Variants in SUSD5 observed in about 807,000 individuals in gnomAD.
The protein encoded by SUSD5 is sushi domain-containing protein 5.
Under a neutral mutation model 29.5 loss-of-function variants are expected in SUSD5, and 33 were observed. That is an observed-to-expected ratio of 1.12 (90% confidence interval 0.85 to 1.49). The LOEUF is 1.49. Ranked by LOEUF, SUSD5 falls within the 40% of genes most tolerant of loss-of-function variation. SUSD5 has a pLI of 0.00. For missense variants in SUSD5, 776 were observed against 800.6 expected (o/e 0.97, Z 0.37); for synonymous variants, 308 against 325.3 (o/e 0.95, Z 0.57).
chr3:33,216,636 G>A lies in SUSD5; in HGVS notation c.112+2050C>T, dbSNP rs73047491. Among the ~76,000 whole-genome samples the A allele has an allele frequency of 7.5e-3, 1,137 of 152,218 alleles. 8 individuals are homozygous for A. Among genetic ancestry groups the A allele is most frequent in the Middle Eastern group, 0.031 (9 of 294 alleles). On this transcript the variant is annotated intron_variant, in intron 1 of 4. Coordinates refer to ENST00000309558, the MANE Select transcript of SUSD5 (RefSeq NM_015551.2). ...AATTTTTCCTTAGGATTCTGCCCAC[G>A]CACATGATTTCAAAGACCATCCTTA...
intron 4 of SUSD5, among the ~76,000 whole-genome samples, chr3:33,170,170 T>C (rs55846427): frequency 0.74 from 112,642 of 151,980 alleles, 42,118 homozygotes; most frequent in South Asian, 0.92. Context: ...CCTCCCGCCT[T>C]GGCCTCCCAA....
intron 4 of SUSD5, among the ~76,000 whole-genome samples, chr3:33,161,186 T>C (rs1037199024): frequency 1.3e-5 from 2 of 151,906 alleles, no homozygotes; most frequent in South Asian, 2.1e-4. Context: ...CAACAACATA[T>C]ACACACACAC....
At chr3:33,194,082 G>A (rs571491759) in intron 3 of SUSD5, among the ~76,000 whole-genome samples, 1 of 152,242 alleles carries the variant, frequency 6.6e-6, no homozygotes, top group South Asian at 2.1e-4. Context: ...TATTCTGATG[G>A]ACCAGCTGGT....
Position 33,152,033 on chromosome 3 carries a change from A to G in SUSD5, c.*709T>C, listed in dbSNP as rs1415377820. ...TCCATATTCCTCTCCCAATAATTCAATATCCATGTCCTAGATAATACTGCT... is the reference window on the plus strand; with the variant it reads ...TCCATATTCCTCTCCCAATAATTCAGTATCCATGTCCTAGATAATACTGCT... On this transcript the variant is annotated 3_prime_UTR_variant, in exon 5 of 5. Transcript: ENST00000309558. 6.6e-6 allele frequency: 1 copy of G among 152,212 alleles called. No individual in the cohort carries two copies. The allele number at this position is 152,212 out of a possible 1,614,324, so 9.4% of individuals were successfully genotyped here.
chr3:33,175,822 G>A (rs1429731418), intron 3 of SUSD5, among the ~76,000 whole-genome samples: 2 of 152,052 alleles, frequency 1.3e-5, no homozygotes, highest in South Asian at 4.1e-4. Flanking sequence ...TGTGAAAACT[G>A]ATGAAACTCC....
intron 3 of SUSD5, among the ~76,000 whole-genome samples, chr3:33,178,817 G>T (rs2031608226): frequency 6.6e-6 from 1 of 152,188 alleles, no homozygotes; most frequent in South Asian, 2.1e-4. Flanking sequence ...GGCTTAGAAA[G>T]TATTCCTTCT....
chr3:33,185,674 C>A (rs1441517279), intron 3 of SUSD5, among the ~76,000 whole-genome samples: 2 of 152,180 alleles, frequency 1.3e-5, no homozygotes, highest in Non-Finnish European at 2.9e-5. Context: ...GGAGCAGTAA[C>A]TTCTAAACTC....
chr3:33,206,639 G>C (rs2032225670), intron 3 of SUSD5, among the ~76,000 whole-genome samples: 1 of 152,032 alleles, frequency 6.6e-6, no homozygotes, highest in Non-Finnish European at 1.5e-5. Flanking sequence ...GGCTCTTAGG[G>C]TTCACCATGA....
intron 3 of SUSD5, among the ~76,000 whole-genome samples, chr3:33,179,573 G>C (rs540289907): frequency 1.3e-5 from 2 of 152,292 alleles, no homozygotes; most frequent in Non-Finnish European, 2.9e-5. Context: ...AAACAAGGTA[G>C]GTCAAGTTAT....
chr3:33,162,314 A>G (rs937172230), intron 4 of SUSD5, among the ~76,000 whole-genome samples: 1 of 152,188 alleles, frequency 6.6e-6, no homozygotes, highest in African/African-American at 2.4e-5. Flanking sequence ...AGCTCGGGGG[A>G]AGTTATACCT....
rs1417055611 is a variant in SUSD5, at chr3:33,150,938, G to A, written c.*1804C>T. 2 of 152,164 alleles carry A rather than the reference G, an allele frequency of 1.3e-5. No individual in the cohort carries two copies. The highest frequency in any genetic ancestry group is 2.9e-5 in the Non-Finnish European group (2 of 68,036). 9.4% of individuals were successfully genotyped at this position (152,164 alleles called of 1,614,324 possible). A position where few individuals can be genotyped will look rare whatever the true frequency, so the allele number is the denominator to read the frequency against. On this transcript the variant is annotated 3_prime_UTR_variant, in exon 5 of 5. Transcript: ENST00000309558. Reference sequence around the variant, plus strand: ...TACCACTGATAACTATTTCTAAGAAGGTGATTCATATTAGAAAAATATAAC... The same window carrying A: ...TACCACTGATAACTATTTCTAAGAAAGTGATTCATATTAGAAAAATATAAC...
chr3:33,170,288 AT>A (rs1031685675), intron 4 of SUSD5, among the ~76,000 whole-genome samples: 4 of 152,196 alleles, frequency 2.6e-5, no homozygotes, highest in African/African-American at 7.2e-5. Context: ...TAGAGAGGGC[AT>A]GACAGACATT....
In SUSD5 at chr3:33,152,747, C is replaced by A. The variant is rs759190207; in HGVS notation, c.1885G>T (p.Val629Phe). 2.5e-6 allele frequency: 4 copies of A among 1,606,794 alleles called. No homozygotes were observed. The highest frequency in any genetic ancestry group is 3.4e-5 in the Admixed American group (2 of 59,488). The stretch of plus-strand genomic sequence containing the variant: ...AGAACCCACTCCAAAGGTGCCTAGA[C>A]CTTCTCCATCTCGATCTGCTGGTGG... ...HYHQQIEMEK[V>F] The change falls in exon 5 of 5, where the codon GTC (valine) becomes TTC (phenylalanine). Residue 629 changes from valine to phenylalanine, a missense_variant. Coordinates refer to ENST00000309558, the MANE Select transcript of SUSD5 (RefSeq NM_015551.2).
At chr3:33,207,772 A>G (rs768340751) in intron 3 of SUSD5, 36 bp downstream of exon 3, 1 of 1,432,400 alleles carries the variant, frequency 7.0e-7, no homozygotes, top group South Asian at 1.2e-5. Context: ...CCAAGAGCAC[A>G]CCCTCCAGCA....
At chr3:33,199,356 C>T (rs2032061940) in intron 3 of SUSD5, among the ~76,000 whole-genome samples, 2 of 152,190 alleles carry the variant, frequency 1.3e-5, no homozygotes, top group South Asian at 4.1e-4. Context: ...TCACTGCAGG[C>T]TCCGCCTCCC....
intron 3 of SUSD5, among the ~76,000 whole-genome samples, chr3:33,206,454 T>C (rs1484047918): frequency 6.9e-6 from 1 of 145,602 alleles, no homozygotes; most frequent in Non-Finnish European, 1.5e-5. Context: ...TGTGTGTGTA[T>C]GTGTTTTAAG....
chr3:33,187,212 G>C (rs2125625236), intron 3 of SUSD5, among the ~76,000 whole-genome samples: 1 of 152,254 alleles, frequency 6.6e-6, no homozygotes, highest in South Asian at 2.1e-4. Context: ...ATCTATCTAA[G>C]GAACACAGGG....
intron 3 of SUSD5, among the ~76,000 whole-genome samples, chr3:33,189,562 G>A (rs2031850655): frequency 6.9e-6 from 1 of 145,876 alleles, no homozygotes; most frequent in African/African-American, 2.5e-5. Context: ...AATTATATAA[G>A]AAAGCTTTAG....
At chr3:33,195,839 G>C (rs570101366) in intron 3 of SUSD5, among the ~76,000 whole-genome samples, 1 of 151,886 alleles carries the variant, frequency 6.6e-6, no homozygotes, top group African/African-American at 2.4e-5. Flanking sequence ...AAAGACTCAT[G>C]CTAAAATACT....
Sources: allele counts gnomAD v4.1 joint callset (sites outside exome capture counted in the v4.1 genomes callset), GRCh38; gene constraint gnomAD v4.1.1; transcripts MANE v1.5; gene names NCBI Gene and HGNC (gene_info 2026-07-23, HGNC 2026-07-21).